ANO2: variants seen among roughly 807,000 people sequenced by gnomAD.
The protein encoded by ANO2 is anoctamin 2, also known as anoctamin-2.
ANO2 carries 101 observed loss-of-function variants against 124.2 expected under a neutral mutation model. That is an observed-to-expected ratio of 0.81 (90% CI 0.69 to 0.96). The LOEUF (loss-of-function observed/expected upper bound fraction) is 0.96, where lower values mean the gene tolerates loss of function less well. Among genes scored for constraint, ANO2 ranks in the 40% least tolerant of loss-of-function variants. ANO2 has a pLI of 0.00. For synonymous variants in ANO2, 486 were observed against 482.5 expected, an observed-to-expected ratio of 1.01 and a Z score of -0.09; for missense variants, 1,293 against 1,274.5, an observed-to-expected ratio of 1.01 and a Z score of -0.22.
intron 7 of ANO2, among the ~76,000 whole-genome samples, chr12:5,811,632 T>C (rs1286808651): frequency 6.6e-6 from 1 of 152,230 alleles, no homozygotes; most frequent in African/African-American, 2.4e-5. Context: ...GAAAGGTGTT[T>C]ACCCTCCTCT....
chr12:5,851,885 T>C (rs1954922910), intron 4 of ANO2: 4 of 716,666 alleles, frequency 5.6e-6, no homozygotes, highest in South Asian at 2.9e-5. Context: ...TTTTCCTGTG[T>C]CTCTAGGTTT....
Position 5,617,970 on chromosome 12 carries a change from G to T in ANO2, c.1817-2673C>A, listed in dbSNP as rs1944914886. ...TAAGGCGAGGATTTAGGAGGAAGTG[G>T]TTTATTTGAGAGGGGCTCCCAGAAA... On this transcript the variant is annotated intron_variant, in intron 16 of 24. Coordinates refer to ENST00000682330, the MANE Select transcript of ANO2 (RefSeq NM_001364791.2). Among the ~76,000 whole-genome samples the T allele has an allele frequency of 3.9e-5, 6 of 152,234 alleles. No individual in the cohort carries two copies. The South Asian group carries it at 1.2e-3, about 32-fold the overall frequency.
At chr12:5,850,944 T>C (rs770573578) in intron 4 of ANO2, among the ~76,000 whole-genome samples, 5 of 152,000 alleles carry the variant, frequency 3.3e-5, no homozygotes, top group African/African-American at 1.2e-4. Flanking sequence ...CTAAGAAAAA[T>C]AGGACAGGTA....
chr12:5,927,384 G>C (rs79955388), intron 1 of ANO2, among the ~76,000 whole-genome samples: 4,028 of 152,286 alleles, frequency 0.026, 182 homozygotes, highest in African/African-American at 0.092. Flanking sequence ...GATGAAGAAG[G>C]GGTAGGATCA....
At chr12:5,911,253 C>T (rs900213672) in intron 3 of ANO2, among the ~76,000 whole-genome samples, 1 of 152,160 alleles carries the variant, frequency 6.6e-6, no homozygotes, top group African/African-American at 2.4e-5. Flanking sequence ...CTAGTAGGTG[C>T]TCAGTAAATG....
chr12:5,834,517 T>C (rs1289012435), intron 4 of ANO2, among the ~76,000 whole-genome samples: 4 of 152,228 alleles, frequency 2.6e-5, no homozygotes, highest in Non-Finnish European at 5.9e-5. Flanking sequence ...GGGAGTAGCA[T>C]TTCAGTTGGA....
In ANO2 at chr12:5,749,219, G is replaced by A. The variant is rs143074580; in HGVS notation, c.1190+1617C>T. Among the ~76,000 whole-genome samples, 538 of 152,244 alleles carry A rather than the reference G, an allele frequency of 3.5e-3. 7 individuals are homozygous for A. Among genetic ancestry groups the A allele is most frequent in the African/African-American group, 0.012 (514 of 41,522 alleles). On this transcript the variant is annotated intron_variant, in intron 11 of 24. Transcript: ENST00000682330. ...CAGTTTCTGGTTTTTTCTTCAGAATGGCCACTACTTTCCCCATTACCACCC... is the reference window on the plus strand; with the variant it reads ...CAGTTTCTGGTTTTTTCTTCAGAATAGCCACTACTTTCCCCATTACCACCC...
intron 14 of ANO2, among the ~76,000 whole-genome samples, chr12:5,694,330 GAGA>G (rs1367208037): frequency 6.6e-6 from 1 of 151,002 alleles, no homozygotes; most frequent in African/African-American, 2.4e-5. Context: ...CTAGAGGAGA[GAGA>G]AGGAGAAAGC....
At chr12:5,681,802 C>A (rs1303732085) in intron 14 of ANO2, among the ~76,000 whole-genome samples, 1 of 152,140 alleles carries the variant, frequency 6.6e-6, no homozygotes, top group Non-Finnish European at 1.5e-5. Context: ...TCCTTGAAGG[C>A]CCTACTTTTC....
intron 3 of ANO2, among the ~76,000 whole-genome samples, chr12:5,906,771 G>C (rs955615963): frequency 1.3e-5 from 2 of 151,208 alleles, no homozygotes; most frequent in Admixed American, 6.6e-5. Flanking sequence ...CTCCAGCCTG[G>C]TGACAGAGTG....
At chr12:5,662,453 C>T (rs774765592) in intron 14 of ANO2, among the ~76,000 whole-genome samples, 10 of 152,136 alleles carry the variant, frequency 6.6e-5, no homozygotes, top group Admixed American at 2.6e-4. Flanking sequence ...AAATCAATTT[C>T]ACATGCACAA....
intron 4 of ANO2, among the ~76,000 whole-genome samples, chr12:5,841,208 G>A (rs528413220): frequency 6.6e-6 from 1 of 152,304 alleles, no homozygotes; most frequent in African/African-American, 2.4e-5. Context: ...GCCTTTCAGC[G>A]ATCAAAAGGG....
At chr12:5,727,060 G>T (rs1422567902) in intron 14 of ANO2, among the ~76,000 whole-genome samples, 1 of 152,196 alleles carries the variant, frequency 6.6e-6, no homozygotes, top group Non-Finnish European at 1.5e-5. Flanking sequence ...TGTTTTCAGG[G>T]AAGCTGATAC....
chr12:5,856,142 G>A (rs2137258014), intron 3 of ANO2: 1 of 152,334 alleles, frequency 6.6e-6, no homozygotes, highest in South Asian at 2.1e-4. Flanking sequence ...AAGCTGACCT[G>A]CAAGCCCAGC....
At chr12:5,676,213 T>A (rs1349112121) in intron 14 of ANO2, among the ~76,000 whole-genome samples, 3 of 152,132 alleles carry the variant, frequency 2.0e-5, no homozygotes, top group Non-Finnish European at 4.4e-5. Context: ...GCAAGAAATA[T>A]GCGTTTAGAA....
intron 1 of ANO2, among the ~76,000 whole-genome samples, chr12:5,927,741 T>C (rs1006881011): frequency 1.3e-5 from 2 of 152,242 alleles, no homozygotes; most frequent in Admixed American, 6.5e-5. Flanking sequence ...CACATGCTGA[T>C]GGGGCAGAGG....
rs3782597 is a variant in ANO2 at position 5,616,335 on chromosome 12, G to A, written c.1817-1038C>T. On this transcript the variant is annotated intron_variant, in intron 16 of 24. Coordinates refer to ENST00000682330, the MANE Select transcript of ANO2 (RefSeq NM_001364791.2). ...CTTCTCACTGTCCTCTCATGGTCAA[G>A]GGGAAAGGCATCTCTCTCAGGCCTC... 2.0e-4 allele frequency among the ~76,000 whole-genome samples: 30 copies of A among 152,264 alleles called. No individual in the cohort carries two copies. The East Asian group carries it at 5.8e-3, about 29-fold the overall frequency.
At chr12:5,766,423 A>G (rs750363767) in intron 10 of ANO2, among the ~76,000 whole-genome samples, 1 of 152,254 alleles carries the variant, frequency 6.6e-6, no homozygotes, top group African/African-American at 2.4e-5. Context: ...TCCCACAAAT[A>G]TAATGTTGAA....
chr12:5,932,266 G>A (rs1942435695), intron 1 of ANO2, among the ~76,000 whole-genome samples: 1 of 151,374 alleles, frequency 6.6e-6, no homozygotes, highest in Non-Finnish European at 1.5e-5. Flanking sequence ...TAGTAAGGAA[G>A]GAAGACTGGT....
Sources: gnomAD v4.1 joint callset for allele counts (sites outside exome capture counted in the v4.1 genomes callset) on GRCh38, gnomAD v4.1.1 for gene constraint, MANE v1.5 for transcripts, NCBI Gene and HGNC (gene_info 2026-07-23, HGNC 2026-07-21) for gene names.